The following DNAH3 variants were observed in gnomAD, a reference collection of about 807,000 sequenced individuals.
The protein encoded by DNAH3 is axonemal beta dynein heavy chain 3.
In DNAH3, 332 loss-of-function variants were observed where a neutral mutation model predicts 432.5. The observed-to-expected ratio is 0.77, with a 90% CI of 0.70 to 0.84. The LOEUF (loss-of-function observed/expected upper bound fraction) is 0.84. Among genes scored for constraint, DNAH3 ranks in the 40% least tolerant of loss-of-function variants. The pLI, the probability that DNAH3 is intolerant of heterozygous loss-of-function variation, is 0.00. For synonymous variants in DNAH3, 1,956 were observed against 1,900.2 expected (o/e 1.03, Z -0.76); for missense variants, 4,861 against 5,114.0 (o/e 0.95, Z 1.51).
intron 16 of DNAH3, among the ~76,000 whole-genome samples, chr16:21,102,943 G>C (rs1033124507): frequency 6.6e-6 from 1 of 150,938 alleles, no homozygotes; most frequent in African/African-American, 2.4e-5. Context: ...ATGTTGGTCA[G>C]GATGGTCTCA....
chr16:21,010,892 TTTTTTTTTTG>T (rs903701549), intron 41 of DNAH3, among the ~76,000 whole-genome samples: 4 of 151,114 alleles, frequency 2.6e-5, no homozygotes, highest in African/African-American at 4.9e-5. Flanking sequence ...AAACCTGTTT[TTTTTTTTTTG>T]TTTTTTTTTG....
At chr16:21,091,077 T>C (rs997045127) in intron 18 of DNAH3, among the ~76,000 whole-genome samples, 4 of 151,910 alleles carry the variant, frequency 2.6e-5, no homozygotes, top group African/African-American at 7.3e-5. Flanking sequence ...CACTTGAACC[T>C]AGGAGGCAGA....
At chr16:21,061,231 C>CTTT (rs11383667) in intron 25 of DNAH3, among the ~76,000 whole-genome samples, 23 of 102,820 alleles carry the variant, frequency 2.2e-4, no homozygotes, top group African/African-American at 4.7e-4. Flanking sequence ...GGCGATAGGC[C>CTTT]TTTTTTTTTT....
chr16:20,942,066 A>T (rs1367148211), intron 58 of DNAH3, among the ~76,000 whole-genome samples: 1 of 143,532 alleles, frequency 7.0e-6, no homozygotes, highest in Non-Finnish European at 1.5e-5. Flanking sequence ...CCTGTCTAAA[A>T]GTTAAAAAAA....
intron 49 of DNAH3, 152 bp from the exon 50 acceptor site, chr16:20,979,698 T>C (rs980546219): frequency 2.9e-6 from 2 of 681,772 alleles, no homozygotes; most frequent in African/African-American, 1.8e-5. Context: ...TCAACAGAGC[T>C]GAGGCAGAGA....
At chr16:20,966,601 G>A (rs922999169) in intron 52 of DNAH3, among the ~76,000 whole-genome samples, 13 of 152,120 alleles carry the variant, frequency 8.5e-5, no homozygotes, top group Non-Finnish European at 1.5e-5. Flanking sequence ...AACTTCTTCT[G>A]TTTTCTAGAA....
At chr16:20,960,161 A>T (rs1264690828) in intron 53 of DNAH3, among the ~76,000 whole-genome samples, 1 of 152,186 alleles carries the variant, frequency 6.6e-6, no homozygotes, top group Admixed American at 6.5e-5. Context: ...TTAACAATGT[A>T]CATATCTTAT....
chr16:21,111,929 C>A, intron 13 of DNAH3, 64 bp downstream of exon 13: 1 of 1,544,524 alleles, frequency 6.5e-7, no homozygotes, highest in African/African-American at 1.4e-5. Flanking sequence ...GAGACACTAA[C>A]TGCTCATTGG....
intron 39 of DNAH3, among the ~76,000 whole-genome samples, chr16:21,022,900 A>G (rs1347394888): frequency 6.6e-6 from 1 of 152,076 alleles, no homozygotes; most frequent in Non-Finnish European, 1.5e-5. Flanking sequence ...GGCACATGCC[A>G]TCATGCTCAG....
intron 48 of DNAH3, among the ~76,000 whole-genome samples, chr16:20,983,477 T>C (rs1410214767): frequency 6.6e-6 from 1 of 152,160 alleles, no homozygotes; most frequent in Non-Finnish European, 1.5e-5. Flanking sequence ...TTCCGCATCC[T>C]TCGGGTCACG....
intron 44 of DNAH3, among the ~76,000 whole-genome samples, chr16:20,989,428 G>A (rs965309078): frequency 6.7e-6 from 1 of 149,530 alleles, no homozygotes; most frequent in Admixed American, 6.7e-5. Flanking sequence ...TTTTTCCAAG[G>A]CCCCACCAGA....
At chr16:21,102,487 C>T (rs1023377923) in intron 16 of DNAH3, among the ~76,000 whole-genome samples, 2 of 152,196 alleles carry the variant, frequency 1.3e-5, no homozygotes, top group Non-Finnish European at 2.9e-5. Flanking sequence ...ATTCCTACCA[C>T]GTGCTGTTTA....
chr16:21,084,117 C>T (rs1310812118), intron 19 of DNAH3, among the ~76,000 whole-genome samples: 3 of 152,046 alleles, frequency 2.0e-5, no homozygotes, highest in Admixed American at 6.6e-5. Flanking sequence ...ACCAACTAGC[C>T]ATCTGACAAT....
At chr16:21,008,399 G>A (rs1230809297) in intron 41 of DNAH3, among the ~76,000 whole-genome samples, 3 of 152,102 alleles carry the variant, frequency 2.0e-5, no homozygotes, top group Non-Finnish European at 4.4e-5. Flanking sequence ...AAAGGGAAAA[G>A]CTCAGTTACC....
intron 12 of DNAH3, among the ~76,000 whole-genome samples, chr16:21,112,632 G>A (rs58844758): frequency 0.022 from 3,382 of 152,186 alleles, 123 homozygotes; most frequent in African/African-American, 0.076. Flanking sequence ...CCCACAACAC[G>A]TGGGAATTCT....
intron 38 of DNAH3, among the ~76,000 whole-genome samples, chr16:21,025,495 G>A (rs1418817615): frequency 6.8e-6 from 1 of 147,010 alleles, no homozygotes; most frequent in African/African-American, 2.5e-5. Context: ...AATTATAGAT[G>A]TAATTATAGA....
intron 55 of DNAH3, among the ~76,000 whole-genome samples, chr16:20,953,379 G>C (rs915654142): frequency 6.6e-6 from 1 of 152,068 alleles, no homozygotes; most frequent in South Asian, 2.1e-4. Flanking sequence ...GGCTGGTCTT[G>C]AACTCCTGAT....
exon 48 of DNAH3, chr16:20,985,518 C>T (rs375473085): frequency 6.2e-7 from 1 of 1,614,206 alleles, no homozygotes; most frequent in Admixed American, 1.7e-5. Flanking sequence ...CAAACCTGAA[C>T]ATGACCAGGG....
chr16:21,111,993 C>T lies in DNAH3; in HGVS notation c.1920G>A (p.Thr640=), dbSNP rs768151641. The T allele has an allele frequency of 2.7e-5, 44 of 1,612,308 alleles. No individual in the cohort carries two copies. Among genetic ancestry groups the T allele is most frequent in the African/African-American group, 5.3e-5 (4 of 74,988 alleles). Residue 640 remains threonine, a splice_region_variant and synonymous_variant, in exon 13 of 62, where the codon ACG becomes ACA. Coordinates refer to ENST00000261383, the Ensembl canonical transcript of DNAH3. ...TAAAATCTCAAGTGGCATTTCCTACCGTCACAAAATCATCAATGTCATGAT... is the reference window on the plus strand; with the variant it reads ...TAAAATCTCAAGTGGCATTTCCTACTGTCACAAAATCATCAATGTCATGAT...
Sources: allele counts gnomAD v4.1 joint callset (sites outside exome capture counted in the v4.1 genomes callset), GRCh38; gene constraint gnomAD v4.1.1; transcripts MANE v1.5; gene names NCBI Gene and HGNC (gene_info 2026-07-23, HGNC 2026-07-21).